GRM3: variants seen among roughly 807,000 people sequenced by gnomAD.
GRM3 encodes metabotropic glutamate receptor 3.
GRM3 carries 26 observed loss-of-function variants against 70.5 expected under a neutral mutation model. That is an observed-to-expected ratio of 0.37 (90% CI 0.27 to 0.51). The LOEUF (loss-of-function observed/expected upper bound fraction) is 0.51. Among genes scored for constraint, GRM3 ranks in the 20% least tolerant of loss-of-function variants. The pLI, the probability that GRM3 is intolerant of heterozygous loss-of-function variation, is 0.93. For synonymous variants in GRM3, 443 were observed against 434.9 expected, an observed-to-expected ratio of 1.02 and a Z score of -0.23; for missense variants, 859 against 1,123.8, an observed-to-expected ratio of 0.76 and a Z score of 3.37.
In GRM3 at chr7:86,854,788, A is replaced by T. The variant is rs1200838417; in HGVS notation, c.2566+4244A>T. ...CCATCCTTGTCTGCTTCATCCACTG[A>T]TATCAGTGCAGTCACTGCAGGGAGG... On this transcript the variant is annotated intron_variant, in intron 5 of 5. Coordinates refer to ENST00000361669, the MANE Select transcript of GRM3 (RefSeq NM_000840.3). Among the ~76,000 whole-genome samples, 3 of 152,194 alleles carry T rather than the reference A, an allele frequency of 2.0e-5. No individual in the cohort carries two copies. In the South Asian group the frequency reaches 6.2e-4, roughly 32 times the overall value.
chr7:86,819,993 C>T (rs1164283591), intron 3 of GRM3, among the ~76,000 whole-genome samples: 1 of 152,140 alleles, frequency 6.6e-6, no homozygotes, highest in African/African-American at 2.4e-5. Context: ...CAGATGGCCA[C>T]ATTGAATTCC....
At chr7:86,684,033 AG>A (rs1381403224) in intron 1 of GRM3, among the ~76,000 whole-genome samples, 1 of 152,000 alleles carries the variant, frequency 6.6e-6, no homozygotes, top group African/African-American at 2.4e-5. Flanking sequence ...TTTTACTATT[AG>A]ATTTATATTT....
At chr7:86,711,166 A>ATTTT (rs1562834180) in intron 1 of GRM3, among the ~76,000 whole-genome samples, 14 of 151,582 alleles carry the variant, frequency 9.2e-5, no homozygotes, top group African/African-American at 3.1e-4. Context: ...TCTCTAATTT[A>ATTTT]ATTTAATTTA....
chr7:86,659,082 G>T (rs1414309307), intron 1 of GRM3, among the ~76,000 whole-genome samples: 1 of 152,116 alleles, frequency 6.6e-6, no homozygotes, highest in Admixed American at 6.6e-5. Context: ...GGCAGATTTT[G>T]TCCTTTCTGA....
chr7:86,850,195 A>G (rs1229799556), intron 4 of GRM3, among the ~76,000 whole-genome samples, 175 bp from the exon 5 acceptor site: 1 of 152,216 alleles, frequency 6.6e-6, no homozygotes, highest in Non-Finnish European at 1.5e-5. Flanking sequence ...AATATTTCCA[A>G]GACTACCCCA....
At chr7:86,730,322 A>G (rs1795700369) in intron 1 of GRM3, among the ~76,000 whole-genome samples, 1 of 152,098 alleles carries the variant, frequency 6.6e-6, no homozygotes, top group Non-Finnish European at 1.5e-5. Flanking sequence ...CAGAAGGCTG[A>G]GACAGGAGAA....
chr7:86,718,088 GA>G (rs757631266), intron 1 of GRM3, among the ~76,000 whole-genome samples: 6 of 151,974 alleles, frequency 3.9e-5, no homozygotes, highest in Non-Finnish European at 5.9e-5. Flanking sequence ...CTTCATTGCT[GA>G]ATGTGATATT....
At chr7:86,838,709 C>T in intron 3 of GRM3, 130 bp from the exon 4 acceptor site, 1 of 617,590 alleles carries the variant, frequency 1.6e-6, no homozygotes, top group Non-Finnish European at 2.8e-6. Context: ...TCAATGGTAA[C>T]TGATAAATTA....
chr7:86,695,856 T>G (rs530549298), intron 1 of GRM3, among the ~76,000 whole-genome samples: 1 of 152,148 alleles, frequency 6.6e-6, no homozygotes, highest in African/African-American at 2.4e-5. Context: ...TTTTTTAAGT[T>G]GTAGAAAAGC....
chr7:86,762,071 A>G (rs1796493065), intron 1 of GRM3, among the ~76,000 whole-genome samples: 1 of 152,168 alleles, frequency 6.6e-6, no homozygotes, highest in South Asian at 2.1e-4. Flanking sequence ...ATTATTTTAT[A>G]GAGAAATTTC....
intron 1 of GRM3, among the ~76,000 whole-genome samples, chr7:86,713,835 G>A (rs1463414182): frequency 6.6e-6 from 1 of 151,854 alleles, no homozygotes; most frequent in Admixed American, 6.6e-5. Flanking sequence ...TAAAAATGGG[G>A]CTCACAGACT....
At chr7:86,661,236 A>G (rs1793885597) in intron 1 of GRM3, among the ~76,000 whole-genome samples, 1 of 152,018 alleles carries the variant, frequency 6.6e-6, no homozygotes, top group Non-Finnish European at 1.5e-5. Context: ...TTTTTGAAAG[A>G]AAAATATGAT....
At chr7:86,729,832 G>A (rs1227563470) in intron 1 of GRM3, among the ~76,000 whole-genome samples, 1 of 152,198 alleles carries the variant, frequency 6.6e-6, no homozygotes, top group African/African-American at 2.4e-5. Context: ...ACTCGGCCGG[G>A]CGCAGTGGCT....
intron 2 of GRM3, among the ~76,000 whole-genome samples, chr7:86,778,480 G>C (rs952293678): frequency 6.6e-6 from 1 of 152,142 alleles, no homozygotes; most frequent in African/African-American, 2.4e-5. Flanking sequence ...TGTCAGCATA[G>C]AAGGCACAAA....
chr7:86,697,437 C>G (rs182434315), intron 1 of GRM3, among the ~76,000 whole-genome samples: 1 of 152,082 alleles, frequency 6.6e-6, no homozygotes, highest in Non-Finnish European at 1.5e-5. Flanking sequence ...AGACACTTAA[C>G]TGTCAGGGAG....
At position 86,839,247 on chromosome 7, in the gene GRM3, T is replaced by G; in HGVS notation, c.1733T>G (p.Ile578Ser). ...DYIRWEDAWA[I>S]GPVTIACLGF... ...ATCAGGTGGGAAGACGCCTGGGCCA[T>G]TGGCCCAGTCACCATTGCCTGTCTG... is the stretch of plus-strand genomic sequence containing the variant. The change falls in exon 4 of 6, where the codon ATT (isoleucine) becomes AGT (serine). Residue 578 changes from isoleucine (I) to serine (S), a missense_variant. By Grantham distance (142) the Ile-to-Ser change is moderately radical. Coordinates refer to ENST00000361669, the MANE Select transcript of GRM3 (RefSeq NM_000840.3). The surrounding 1 kb of genome is among the most constrained non-coding windows in gnomAD (Gnocchi z 4.5). 6.2e-7 allele frequency: 1 copy of G among 1,613,274 alleles called. No individual in the cohort carries two copies. Among genetic ancestry groups the G allele is most frequent in the Non-Finnish European group, 8.5e-7 (1 of 1,179,198 alleles).
chr7:86,864,606 A>G lies in GRM3; in HGVS notation c.*251A>G, dbSNP rs79041652. 1,933 of 331,586 alleles carry G rather than the reference A, an allele frequency of 5.8e-3. 43 individuals are homozygous for G. Among genetic ancestry groups the G allele is most frequent in the African/African-American group, 0.038 (1,750 of 46,462 alleles). 20.5% of individuals were successfully genotyped at this position (331,586 alleles called of 1,614,324 possible). A position where few individuals can be genotyped will look rare whatever the true frequency, so the allele number is the denominator to read the frequency against. ...TTGTTTACAGAGCTGAGCATTGGTG[A>G]CAGGGTCTGACATGGTCAGTCTACT... On this transcript the variant is annotated 3_prime_UTR_variant, in exon 6 of 6. Coordinates refer to ENST00000361669, the MANE Select transcript of GRM3 (RefSeq NM_000840.3).
intron 1 of GRM3, among the ~76,000 whole-genome samples, chr7:86,670,408 T>C (rs1364737598): frequency 6.6e-6 from 1 of 152,206 alleles, no homozygotes; most frequent in Non-Finnish European, 1.5e-5. Context: ...CATTTCCAAA[T>C]GCCTGTCAAT....
chr7:86,704,123 C>A (rs541467315), intron 1 of GRM3, among the ~76,000 whole-genome samples: 9 of 151,954 alleles, frequency 5.9e-5, no homozygotes, highest in Admixed American at 2.6e-4. Flanking sequence ...CACATGGCAG[C>A]CTCATTTAAA....
Sources: allele counts gnomAD v4.1 joint callset (sites outside exome capture counted in the v4.1 genomes callset), GRCh38; gene constraint gnomAD v4.1.1; non-coding constraint Gnocchi (gnomAD v3.1); transcripts MANE v1.5; gene names NCBI Gene and HGNC (gene_info 2026-07-23, HGNC 2026-07-21).